Variants in VWA8 observed in about 807,000 individuals in gnomAD.
The protein encoded by VWA8 is von Willebrand factor A domain containing 8.
VWA8 carries 221 observed loss-of-function variants against 241.5 expected under a neutral mutation model. That is an observed-to-expected ratio of 0.91 (90% confidence interval 0.82 to 1.02). The LOEUF is 1.02. Among genes scored for constraint, VWA8 ranks in the 50% least tolerant of loss-of-function variants. The probability of loss-of-function intolerance (pLI) is 0.00; values close to 1 mark genes in which losing one functional copy is unlikely to be tolerated. For synonymous variants in VWA8, 852 were observed against 827.1 expected (o/e 1.03, Z -0.52); for missense variants, 2,322 against 2,328.7 (o/e 1.00, Z 0.06).
At chr13:41,715,858 G>A (rs2045344998) in intron 26 of VWA8, among the ~76,000 whole-genome samples, 2 of 151,886 alleles carry the variant, frequency 1.3e-5, no homozygotes, top group Non-Finnish European at 2.9e-5. Context: ...TTTCTCTATA[G>A]GCCAAATCCC....
intron 37 of VWA8, among the ~76,000 whole-genome samples, chr13:41,640,966 A>AT (rs756734068): frequency 2.6e-4 from 40 of 152,278 alleles, no homozygotes; most frequent in Non-Finnish European, 2.9e-4. Flanking sequence ...AGAGGATGAG[A>AT]TAAAAAAAAA....
chr13:41,926,464 C>G (rs917027999), intron 2 of VWA8: 1 of 525,136 alleles, frequency 1.9e-6, no homozygotes, highest in African/African-American at 1.9e-5. Context: ...ATGCGCTGGA[C>G]ATGAGAATTG....
At chr13:41,688,666 G>A (rs1274534349) in intron 34 of VWA8, among the ~76,000 whole-genome samples, 2 of 152,122 alleles carry the variant, frequency 1.3e-5, no homozygotes, top group Non-Finnish European at 2.9e-5. Context: ...CTATCTTCAT[G>A]ACTGTTGAAA....
chr13:41,572,202 C>T (rs890081760), intron 43 of VWA8, among the ~76,000 whole-genome samples: 27 of 151,516 alleles, frequency 1.8e-4, no homozygotes, highest in African/African-American at 4.1e-4. Context: ...CCCCGCCAGC[C>T]GCCCCGTCTG....
At chr13:41,921,646 A>G (rs182837232) in intron 2 of VWA8, among the ~76,000 whole-genome samples, 68 of 152,324 alleles carry the variant, frequency 4.5e-4, no homozygotes, top group Admixed American at 2.0e-3. Context: ...CACCAATAAC[A>G]GACAGAGAAC....
intron 40 of VWA8, among the ~76,000 whole-genome samples, chr13:41,598,958 G>C (rs1471104260): frequency 1.3e-5 from 2 of 151,802 alleles, no homozygotes; most frequent in Non-Finnish European, 2.9e-5. Flanking sequence ...CTTCAGCTGG[G>C]TACGGTTTTG....
At position 41,638,694 on chromosome 13, in the gene VWA8, G is replaced by A. The variant is rs138091993; in HGVS notation, c.4612-23610C>T. 8.8e-4 allele frequency among the ~76,000 whole-genome samples: 134 copies of A among 152,314 alleles called. 1 individual carries two copies. The highest frequency in any genetic ancestry group is 3.1e-3 in the African/African-American group (127 of 41,574). ...AGGAGGCAGGGCCCTGTTGGAATAA[G>A]AGGTGAGTGAATGGAGGTCCGAAAG... On this transcript the variant is annotated intron_variant, in intron 37 of 44. Transcript: ENST00000379310.
intron 24 of VWA8, among the ~76,000 whole-genome samples, chr13:41,726,801 C>CCTGG (rs2045438004): frequency 6.6e-6 from 1 of 152,048 alleles, no homozygotes; most frequent in Non-Finnish European, 1.5e-5. Context: ...TCGAGACCAG[C>CCTGG]CTGGCCAACA....
At chr13:41,944,243 C>T (rs577275094) in intron 2 of VWA8, among the ~76,000 whole-genome samples, 37 of 152,098 alleles carry the variant, frequency 2.4e-4, no homozygotes, top group African/African-American at 8.2e-4. Context: ...AATTGTCAAA[C>T]TCAACTTCTT....
chr13:41,901,346 T>C (rs1875415413), intron 4 of VWA8, among the ~76,000 whole-genome samples: 2 of 152,190 alleles, frequency 1.3e-5, no homozygotes, highest in South Asian at 4.1e-4. Context: ...GGACAGAGCC[T>C]GGTTCAAATT....
chr13:41,730,544 G>T (rs1487963588), intron 22 of VWA8, among the ~76,000 whole-genome samples: 1 of 152,088 alleles, frequency 6.6e-6, no homozygotes, highest in Non-Finnish European at 1.5e-5. Context: ...TGTAGGGACA[G>T]AATCTATAGT....
At chr13:41,626,919 G>A (rs1402135895) in intron 37 of VWA8, among the ~76,000 whole-genome samples, 1 of 152,140 alleles carries the variant, frequency 6.6e-6, no homozygotes, top group Non-Finnish European at 1.5e-5. Context: ...ATTGGTAAGT[G>A]GAACCTACTT....
At chr13:41,823,254 G>A (rs902225530) in intron 14 of VWA8, among the ~76,000 whole-genome samples, 1 of 152,050 alleles carries the variant, frequency 6.6e-6, no homozygotes. Flanking sequence ...AACCGATCAA[G>A]GATTGTGCTC....
chr13:41,607,889 T>C (rs751525845), intron 39 of VWA8, among the ~76,000 whole-genome samples: 7 of 152,038 alleles, frequency 4.6e-5, no homozygotes, highest in Non-Finnish European at 8.8e-5. Flanking sequence ...GTACTGATAT[T>C]AGGACAGGGA....
At chr13:41,571,583 C>A (rs996376695) in intron 43 of VWA8, among the ~76,000 whole-genome samples, 1 of 152,180 alleles carries the variant, frequency 6.6e-6, no homozygotes, top group African/African-American at 2.4e-5. Context: ...CTCCTGACTG[C>A]GAGTGATCTA....
intron 37 of VWA8, among the ~76,000 whole-genome samples, chr13:41,654,194 G>A (rs1465436167): frequency 7.2e-5 from 11 of 152,140 alleles, no homozygotes; most frequent in Admixed American, 5.9e-4. Flanking sequence ...ATTCAAGCAA[G>A]AATCATGAAC....
At chr13:41,709,171 C>T (rs1469691538) in intron 26 of VWA8, among the ~76,000 whole-genome samples, 1 of 152,190 alleles carries the variant, frequency 6.6e-6, no homozygotes, top group African/African-American at 2.4e-5. Flanking sequence ...TTGAATATAA[C>T]ATTGCATAAT....
intron 37 of VWA8, among the ~76,000 whole-genome samples, chr13:41,632,610 A>G (rs2044733063): frequency 6.6e-6 from 1 of 152,150 alleles, no homozygotes; most frequent in African/African-American, 2.4e-5. Flanking sequence ...TTTCTTTGTT[A>G]CTACAAGTCA....
intron 43 of VWA8, among the ~76,000 whole-genome samples, chr13:41,575,516 C>G (rs2044345084): frequency 6.6e-6 from 1 of 151,894 alleles, no homozygotes; most frequent in Non-Finnish European, 1.5e-5. Context: ...GAATCCCAAT[C>G]TAAATCCAAG....
Sources: gnomAD v4.1 joint callset for allele counts (sites outside exome capture counted in the v4.1 genomes callset) on GRCh38, gnomAD v4.1.1 for gene constraint, MANE v1.5 for transcripts, NCBI Gene and HGNC (gene_info 2026-07-23, HGNC 2026-07-21) for gene names.